ARHGAP17: variants seen among roughly 807,000 people sequenced by gnomAD.
ARHGAP17 encodes the protein Rho GTPase activating protein 17.
A neutral mutation model predicts 99.5 loss-of-function variants in ARHGAP17; 57 were observed. That is an observed-to-expected ratio of 0.57 (90% CI 0.46 to 0.71). The LOEUF (loss-of-function observed/expected upper bound fraction) is 0.71. Ranked by LOEUF, ARHGAP17 falls within the 30% of genes least tolerant of loss-of-function variation. The pLI, the probability that ARHGAP17 is intolerant of heterozygous loss-of-function variation, is 0.00. For missense variants in ARHGAP17, 1,000 were observed against 1,122.4 expected, an observed-to-expected ratio of 0.89 and a Z score of 1.56; for synonymous variants, 417 against 429.6, an observed-to-expected ratio of 0.97 and a Z score of 0.36.
chr16:24,926,237 T>C (rs186870542), intron 19 of ARHGAP17, among the ~76,000 whole-genome samples: 6 of 152,278 alleles, frequency 3.9e-5, no homozygotes, highest in Non-Finnish European at 8.8e-5. Context: ...ATTATTTCCA[T>C]TTCTCAAGAG....
chr16:24,950,090 G>C (rs548658029), intron 12 of ARHGAP17, among the ~76,000 whole-genome samples: 1 of 152,166 alleles, frequency 6.6e-6, no homozygotes, highest in East Asian at 1.9e-4. Flanking sequence ...GACCAAGAGT[G>C]TTAAAGGGGC....
rs1182415652 is a variant in ARHGAP17 at position 24,927,698 on chromosome 16, A to G, written c.2515+3086T>C. The G allele has an allele frequency of 2.5e-6, 3 of 1,219,808 alleles. No individual in the cohort carries two copies. The African/African-American group carries it at 4.7e-5, about 19-fold the overall frequency. 75.6% of individuals were successfully genotyped at this position (1,219,808 alleles called of 1,614,324 possible). The stretch of plus-strand genomic sequence containing the variant: ...CTTTTCCTTACCATTAAATATTCCA[A>G]TCTCAGTTCTTACTGAATATGGCAG... On this transcript the variant is annotated intron_variant, in intron 19 of 19. Coordinates refer to ENST00000289968, the MANE Select transcript of ARHGAP17 (RefSeq NM_001006634.3).
intron 3 of ARHGAP17, among the ~76,000 whole-genome samples, chr16:24,974,458 T>TAAA: frequency 6.6e-6 from 1 of 151,932 alleles, no homozygotes; most frequent in Non-Finnish European, 1.5e-5. Context: ...AAAAAATGCT[T>TAAA]AGCATCTCGG....
intron 1 of ARHGAP17, among the ~76,000 whole-genome samples, chr16:25,010,200 C>T (rs2053608460): frequency 6.6e-6 from 1 of 152,072 alleles, no homozygotes; most frequent in Non-Finnish European, 1.5e-5. Context: ...CTCAGCCTCC[C>T]AAGCAGCTGA....
intron 12 of ARHGAP17, among the ~76,000 whole-genome samples, chr16:24,951,058 C>T (rs934998407): frequency 6.6e-6 from 1 of 152,006 alleles, no homozygotes; most frequent in African/African-American, 2.4e-5. Context: ...GGAGTAGGCA[C>T]TCTGGAGAGG....
intron 18 of ARHGAP17, among the ~76,000 whole-genome samples, chr16:24,933,754 G>A (rs981405441): frequency 1.3e-5 from 2 of 152,108 alleles, no homozygotes; most frequent in East Asian, 3.9e-4. Flanking sequence ...TCAGGGGGAG[G>A]GGGCTGGGAG....
intron 11 of ARHGAP17, 130 bp from the exon 12 acceptor site, chr16:24,952,500 G>T (rs1335846204): frequency 3.2e-6 from 2 of 627,384 alleles, no homozygotes; most frequent in Non-Finnish European, 2.6e-6. Flanking sequence ...TCATAAGTTG[G>T]CAAGAGTTGT....
At chr16:24,965,668 G>A (rs2052158258) in intron 6 of ARHGAP17, among the ~76,000 whole-genome samples, 1 of 152,204 alleles carries the variant, frequency 6.6e-6, no homozygotes, top group African/African-American at 2.4e-5. Flanking sequence ...ATAGATTTCA[G>A]AGTCTGACAT....
chr16:24,929,290 C>CA (rs1434482878), intron 19 of ARHGAP17, among the ~76,000 whole-genome samples: 1 of 151,906 alleles, frequency 6.6e-6, no homozygotes. Context: ...CTCAGCCACT[C>CA]AAAGTACTGG....
intron 1 of ARHGAP17, among the ~76,000 whole-genome samples, chr16:24,980,327 T>C (rs2052639218): frequency 6.6e-6 from 1 of 152,180 alleles, no homozygotes; most frequent in South Asian, 2.1e-4. Flanking sequence ...CTAACACTTG[T>C]CATCATGGCA....
intron 1 of ARHGAP17, among the ~76,000 whole-genome samples, chr16:25,013,678 G>C (rs1160902954): frequency 2.6e-5 from 4 of 151,562 alleles, no homozygotes; most frequent in African/African-American, 9.7e-5. Context: ...GAGTCAAAGA[G>C]ACCCTAAATA....
At position 24,954,640 on chromosome 16, in the gene ARHGAP17, C is replaced by G; in HGVS notation, c.815G>C (p.Cys272Ser). The change falls in exon 10 of 20, where the codon TGT (cysteine) becomes TCT (serine). Residue 272 changes from cysteine (C) to serine (S), a missense_variant. This residue lies in a region of ARHGAP17 where 472 missense variants were observed against 611.1 expected (regional missense o/e 0.77). Coordinates refer to ENST00000289968, the MANE Select transcript of ARHGAP17 (RefSeq NM_001006634.3). Reference protein sequence around the residue: ...GREIALPIEACVMLLLETGMK... With the variant: ...GREIALPIEASVMLLLETGMK... ...GCCTGTCTCCAGAAGCAGCATGACA[C>G]AGGCTTCAATGGGCAGCGCAATCTC... The G allele has an allele frequency of 6.2e-7, 1 of 1,614,108 alleles. No homozygotes were observed. Among genetic ancestry groups the G allele is most frequent in the Non-Finnish European group, 8.5e-7 (1 of 1,179,988 alleles).
chr16:24,992,492 T>C (rs554521455), intron 1 of ARHGAP17, among the ~76,000 whole-genome samples: 11 of 151,866 alleles, frequency 7.2e-5, no homozygotes, highest in Non-Finnish European at 1.5e-4. Context: ...CACGCCACCA[T>C]GACCGGCTAA....
At chr16:24,970,376 C>A in intron 4 of ARHGAP17, 131 bp downstream of exon 4, 2 of 856,518 alleles carry the variant, frequency 2.3e-6, no homozygotes, top group Non-Finnish European at 3.8e-6. Flanking sequence ...GGAGTCTCAG[C>A]CGGTCTCCTA....
In ARHGAP17 at chr16:24,985,393, T is replaced by A. The variant is rs78857528; in HGVS notation, c.54-6388A>T. Among the ~76,000 whole-genome samples the A allele has an allele frequency of 2.6e-5, 4 of 152,342 alleles. No homozygotes were observed. In the East Asian group the frequency reaches 7.7e-4, roughly 29 times the overall value. ...CGATCAAGGTGGCAGCAGGGCTGAATGCCTTCCTGGACATGCAAGGGGAGC... is the reference window on the plus strand; with the variant it reads ...CGATCAAGGTGGCAGCAGGGCTGAAAGCCTTCCTGGACATGCAAGGGGAGC... On this transcript the variant is annotated intron_variant, in intron 1 of 19. Coordinates refer to ENST00000289968, the MANE Select transcript of ARHGAP17 (RefSeq NM_001006634.3).
intron 1 of ARHGAP17, among the ~76,000 whole-genome samples, chr16:24,996,597 G>A (rs1366412401): frequency 5.3e-5 from 8 of 152,094 alleles, no homozygotes; most frequent in African/African-American, 1.4e-4. Context: ...CCCAAGCAAG[G>A]TGCTAGCTCC....
intron 1 of ARHGAP17, among the ~76,000 whole-genome samples, chr16:25,006,499 TCTC>T (rs1188071065): frequency 6.6e-6 from 1 of 150,708 alleles, no homozygotes; most frequent in East Asian, 1.9e-4. Context: ...GAATTTCCAG[TCTC>T]CTCACCTGAC....
At chr16:24,939,660 C>T (rs926685406) in intron 16 of ARHGAP17, 63 bp from the exon 17 acceptor site, 24 of 1,501,416 alleles carry the variant, frequency 1.6e-5, no homozygotes, top group East Asian at 2.4e-5. Flanking sequence ...AGAAGCCCAT[C>T]GGTCCACATG....
At chr16:24,954,422 A>G (rs1278406120) in intron 10 of ARHGAP17, among the ~76,000 whole-genome samples, 181 bp downstream of exon 10, 2 of 152,266 alleles carry the variant, frequency 1.3e-5, no homozygotes, top group Non-Finnish European at 2.9e-5. Flanking sequence ...CATAGGGAAC[A>G]GGGTTGCAAT....
Sources: allele counts gnomAD v4.1 joint callset (sites outside exome capture counted in the v4.1 genomes callset), GRCh38; gene constraint gnomAD v4.1.1; regional missense constraint gnomAD v4.1.1; transcripts MANE v1.5; gene names NCBI Gene and HGNC (gene_info 2026-07-23, HGNC 2026-07-21).